AP3B1: variants seen among roughly 807,000 people sequenced by gnomAD.
AP3B1 encodes the protein AP-3 complex subunit beta-1.
AP3B1 carries 61 observed loss-of-function variants against 132.5 expected under a neutral mutation model. That is an observed-to-expected ratio of 0.46 (90% CI 0.37 to 0.57). The LOEUF (loss-of-function observed/expected upper bound fraction) is 0.57, where lower values mean the gene tolerates loss of function less well. AP3B1 is among the 20% of genes least tolerant of loss of function. AP3B1 has a pLI of 0.00. For missense variants in AP3B1, 1,120 were observed against 1,289.4 expected, an observed-to-expected ratio of 0.87 and a Z score of 2.01; for synonymous variants, 388 against 438.3, an observed-to-expected ratio of 0.89 and a Z score of 1.43.
chr5:78,181,707 C>A (rs775137272), intron 7 of AP3B1, 45 bp from the exon 8 acceptor site: 1 of 1,558,430 alleles, frequency 6.4e-7, no homozygotes. Context: ...AGACCTTGAG[C>A]AATCTGCATA....
intron 6 of AP3B1, among the ~76,000 whole-genome samples, chr5:78,218,139 G>T (rs1746034851): frequency 2.0e-5 from 3 of 152,002 alleles, no homozygotes; most frequent in African/African-American, 7.2e-5. Context: ...GATCATTTTA[G>T]ATACTTAATC....
At chr5:78,125,317 C>T (rs1363455436) in intron 17 of AP3B1, among the ~76,000 whole-genome samples, 9 of 152,046 alleles carry the variant, frequency 5.9e-5, no homozygotes, top group African/African-American at 2.2e-4. Context: ...CTTCTACTGT[C>T]AATCTGACTA....
intron 3 of AP3B1, among the ~76,000 whole-genome samples, chr5:78,233,291 T>C (rs1281473865): frequency 6.6e-6 from 1 of 150,844 alleles, no homozygotes; most frequent in Non-Finnish European, 1.5e-5. Context: ...TGGAGTGCAA[T>C]GGCATGATCT....
intron 19 of AP3B1, 28 bp from the exon 20 acceptor site, chr5:78,110,382 T>A (rs762217608): frequency 6.4e-7 from 1 of 1,568,160 alleles, no homozygotes. Context: ...TTTTGAAATA[T>A]GAACTTTAAC....
intron 4 of AP3B1, 40 bp from the exon 5 acceptor site, chr5:78,227,572 T>C (rs1473214157): frequency 6.2e-6 from 10 of 1,601,612 alleles, no homozygotes; most frequent in Non-Finnish European, 8.5e-6. Context: ...ATTTCAACTT[T>C]ACAATATTTT....
intron 7 of AP3B1, among the ~76,000 whole-genome samples, chr5:78,203,675 T>C (rs1465786123): frequency 6.6e-6 from 1 of 152,204 alleles, no homozygotes; most frequent in East Asian, 1.9e-4. Flanking sequence ...CCATTCTATT[T>C]GCCCCTTTCT....
intron 20 of AP3B1, among the ~76,000 whole-genome samples, chr5:78,106,237 C>T (rs2018827): frequency 1.3e-5 from 2 of 152,072 alleles, no homozygotes; most frequent in East Asian, 1.9e-4. Context: ...GTGGGTGGAT[C>T]GCTTGAGCCC....
At chr5:78,143,938 G>A (rs568902066) in intron 14 of AP3B1, among the ~76,000 whole-genome samples, 3 of 152,224 alleles carry the variant, frequency 2.0e-5, no homozygotes, top group Non-Finnish European at 4.4e-5. Flanking sequence ...TCAGGAGGCA[G>A]AGGTTGCAGT....
intron 14 of AP3B1, among the ~76,000 whole-genome samples, chr5:78,156,022 T>C (rs115908723): frequency 1.1e-3 from 165 of 152,286 alleles, no homozygotes; most frequent in African/African-American, 3.7e-3. Context: ...GCTGTTGATA[T>C]ATAAAACTCA....
chr5:78,153,944 C>T (rs368377723), intron 14 of AP3B1, among the ~76,000 whole-genome samples: 8 of 152,234 alleles, frequency 5.3e-5, no homozygotes, highest in Middle Eastern at 3.4e-3. Context: ...AATCAGTTCA[C>T]GTTTTAGTCT....
intron 14 of AP3B1, among the ~76,000 whole-genome samples, chr5:78,151,165 C>G (rs1257091039): frequency 6.6e-6 from 1 of 152,108 alleles, no homozygotes; most frequent in East Asian, 1.9e-4. Flanking sequence ...GTGATCCACC[C>G]GCCTTGGCCT....
At chr5:78,222,061 TA>T (rs1561485447) in intron 6 of AP3B1, 2 of 151,950 alleles carry the variant, frequency 1.3e-5, no homozygotes, top group South Asian at 4.1e-4. Context: ...CAAGAGAAAT[TA>T]GAGTTCTAGG....
At chr5:78,089,819 A>AT (rs1302709965) in intron 21 of AP3B1, among the ~76,000 whole-genome samples, 50 of 152,102 alleles carry the variant, frequency 3.3e-4, no homozygotes, top group African/African-American at 1.1e-3. Context: ...GTAAAGAAAC[A>AT]TTTTTTTTCC....
chr5:78,212,426 T>C (rs970997600), intron 7 of AP3B1, among the ~76,000 whole-genome samples: 2 of 152,230 alleles, frequency 1.3e-5, no homozygotes, highest in African/African-American at 4.8e-5. Flanking sequence ...TACAGGCAGG[T>C]TTTTTTAATT....
chr5:78,115,152 C>G (rs187223111), intron 18 of AP3B1, among the ~76,000 whole-genome samples: 67 of 152,158 alleles, frequency 4.4e-4, no homozygotes, highest in Middle Eastern at 3.4e-3. Flanking sequence ...AAGTTACACG[C>G]ACATACATAT....
chr5:78,280,860 T>G (rs1749018762), intron 1 of AP3B1, among the ~76,000 whole-genome samples: 1 of 152,202 alleles, frequency 6.6e-6, no homozygotes, highest in African/African-American at 2.4e-5. Flanking sequence ...CAGGGCAGTA[T>G]TGCAGATGAA....
At position 78,246,117 on chromosome 5, in the gene AP3B1, C is replaced by T. The variant is rs1257917193; in HGVS notation, c.205-5181G>A. On this transcript the variant is annotated intron_variant, in intron 2 of 26. Transcript: ENST00000255194. ...GGTAGAGATGGAATTCCAGAGTGCC[C>T]CAAAGAACATTCACTGGTTGCAGGC... 2.0e-5 allele frequency among the ~76,000 whole-genome samples: 3 copies of T among 152,148 alleles called. No homozygotes were observed. The East Asian group carries it at 5.8e-4, about 29-fold the overall frequency.
At chr5:78,264,467 CAG>C (rs1748235425) in intron 2 of AP3B1, among the ~76,000 whole-genome samples, 2 of 152,064 alleles carry the variant, frequency 1.3e-5, no homozygotes, top group African/African-American at 4.8e-5. Context: ...TTTTGTATTC[CAG>C]AGACTACATT....
intron 7 of AP3B1, among the ~76,000 whole-genome samples, chr5:78,200,847 A>G (rs1745260772): frequency 1.3e-5 from 2 of 152,094 alleles, no homozygotes; most frequent in Admixed American, 1.3e-4. Context: ...TTATGGGCCA[A>G]ACTGTGCCCC....
Sources: allele counts gnomAD v4.1 joint callset (sites outside exome capture counted in the v4.1 genomes callset), GRCh38; gene constraint gnomAD v4.1.1; transcripts MANE v1.5; gene names NCBI Gene and HGNC (gene_info 2026-07-23, HGNC 2026-07-21).